The following FAM3D variants were observed in gnomAD, a reference collection of about 807,000 sequenced individuals.
FAM3D encodes protein FAM3D.
FAM3D carries 26 observed loss-of-function variants against 29.8 expected under a neutral mutation model. The ratio of observed to expected loss-of-function variants is 0.87; its 90% CI spans 0.64 to 1.21. FAM3D has a LOEUF of 1.21. Ranked by LOEUF, FAM3D falls within the 50% of genes most tolerant of loss-of-function variation. FAM3D has a pLI of 0.00. For missense variants in FAM3D, 253 were observed against 290.9 expected (o/e 0.87, Z 0.95); for synonymous variants, 115 against 102.3 (o/e 1.12, Z -0.75).
At chr3:58,640,334 T>C (rs2066292769) in intron 6 of FAM3D, among the ~76,000 whole-genome samples, 157 bp from the exon 7 acceptor site, 1 of 152,226 alleles carries the variant, frequency 6.6e-6, no homozygotes, top group South Asian at 2.1e-4. Flanking sequence ...AAAGTAGGTT[T>C]CCAGGAATGG....
intron 1 of FAM3D, among the ~76,000 whole-genome samples, chr3:58,662,031 A>G (rs1277929478): frequency 6.6e-6 from 1 of 152,190 alleles, no homozygotes; most frequent in African/African-American, 2.4e-5. Flanking sequence ...ATCTCAGGAT[A>G]CTGGACATCT....
chr3:58,661,601 G>A (rs2066930641), intron 1 of FAM3D, among the ~76,000 whole-genome samples: 1 of 152,190 alleles, frequency 6.6e-6, no homozygotes, highest in Admixed American at 6.5e-5. Context: ...CTGGGAATTG[G>A]GAGTCTGTAT....
chr3:58,636,285 A>G lies in FAM3D; in HGVS notation c.585+9T>C. On this transcript the variant is annotated intron_variant, in intron 9 of 9. Coordinates refer to ENST00000358781, the MANE Select transcript of FAM3D (RefSeq NM_138805.3). Reference sequence around the variant, plus strand: ...CCTTCATAGGGCCGGGTTGTGGCCCAGAACCCACCTGCTCAAAGGGGCTTT... The same window carrying G: ...CCTTCATAGGGCCGGGTTGTGGCCCGGAACCCACCTGCTCAAAGGGGCTTT... The G allele has an allele frequency of 3.7e-6, 6 of 1,613,252 alleles. No individual in the cohort carries two copies. The highest frequency in any genetic ancestry group is 3.4e-6 in the Non-Finnish European group (4 of 1,179,732).
chr3:58,636,568 A>G, intron 8 of FAM3D, 148 bp from the exon 9 acceptor site: 1 of 1,164,572 alleles, frequency 8.6e-7, no homozygotes, highest in Non-Finnish European at 1.2e-6. Flanking sequence ...GCACTCAGGA[A>G]GGACAGGGTA....
At chr3:58,663,719 C>T (rs2066975944) in intron 1 of FAM3D, among the ~76,000 whole-genome samples, 1 of 152,150 alleles carries the variant, frequency 6.6e-6, no homozygotes, top group African/African-American at 2.4e-5. Flanking sequence ...TACCAGAAGC[C>T]ACACTGCTCC....
intron 4 of FAM3D, among the ~76,000 whole-genome samples, 172 bp from the exon 5 acceptor site, chr3:58,645,798 C>A (rs915006181): frequency 3.9e-5 from 6 of 152,228 alleles, no homozygotes; most frequent in African/African-American, 1.4e-4. Flanking sequence ...CTTCTGGGCT[C>A]CACAGTGCCT....
Position 58,637,557 on chromosome 3 carries a change from C to T in FAM3D, c.374-332G>A, listed in dbSNP as rs143590252. Among the ~76,000 whole-genome samples, 16 of 152,200 alleles carry T rather than the reference C, an allele frequency of 1.1e-4. No individual in the cohort carries two copies. The East Asian group carries it at 2.1e-3, about 20-fold the overall frequency. On this transcript the variant is annotated intron_variant, in intron 7 of 9. Transcript: ENST00000358781. The stretch of plus-strand genomic sequence containing the variant: ...CCTTGTGTGCCTACCCCTCTGGGGA[C>T]GAAGTGCCATCATCTCTCAGGTGCT...
At chr3:58,653,839 C>T in intron 2 of FAM3D, 58 bp from the exon 3 acceptor site, 3 of 1,334,280 alleles carry the variant, frequency 2.2e-6, no homozygotes, top group South Asian at 2.3e-5. Flanking sequence ...ATTGCAAGAC[C>T]ACGTGTGAGT....
At chr3:58,654,071 A>G (rs1317913956) in intron 2 of FAM3D, among the ~76,000 whole-genome samples, 3 of 152,226 alleles carry the variant, frequency 2.0e-5, no homozygotes, top group Non-Finnish European at 2.9e-5. Flanking sequence ...GAGGGAGAGA[A>G]TCTCTAGCAA....
At chr3:58,644,525 A>G (rs975277706) in intron 5 of FAM3D, among the ~76,000 whole-genome samples, 10 of 152,292 alleles carry the variant, frequency 6.6e-5, no homozygotes, top group Middle Eastern at 3.4e-3. Flanking sequence ...AGTCCATTAA[A>G]ATCTTTTTCC....
intron 6 of FAM3D, among the ~76,000 whole-genome samples, chr3:58,641,504 G>A (rs2066333982): frequency 6.6e-6 from 1 of 152,012 alleles, no homozygotes; most frequent in East Asian, 1.9e-4. Context: ...ACAGGTGTGC[G>A]CCACCACACC....
chr3:58,656,681 C>G (rs2066811023), intron 1 of FAM3D, among the ~76,000 whole-genome samples: 1 of 152,206 alleles, frequency 6.6e-6, no homozygotes, highest in South Asian at 2.1e-4. Context: ...TCCCACAACT[C>G]TTCCTGTCCC....
intron 5 of FAM3D, 84 bp from the exon 6 acceptor site, chr3:58,643,804 G>C: frequency 7.9e-7 from 1 of 1,263,650 alleles, no homozygotes; most frequent in Non-Finnish European, 1.2e-6. Flanking sequence ...AACTCCGTGA[G>C]GACCCACATA....
At chr3:58,640,593 T>C (rs763122359) in intron 6 of FAM3D, among the ~76,000 whole-genome samples, 13 of 152,124 alleles carry the variant, frequency 8.5e-5, no homozygotes, top group Non-Finnish European at 1.2e-4. Context: ...GTCGTCATTA[T>C]TATTCCCACC....
rs530652398 is a variant in FAM3D, at chr3:58,666,121, G to T, written c.-39+455C>A. ...TATTCATTTTTCAAATATTTGTGTG[G>T]CTCACTGTTGATCATTGGAATGTGT... On this transcript the variant is annotated intron_variant, in intron 1 of 9. Coordinates refer to ENST00000358781, the MANE Select transcript of FAM3D (RefSeq NM_138805.3). 1.2e-3 allele frequency among the ~76,000 whole-genome samples: 179 copies of T among 152,248 alleles called. 8 individuals carry two copies. The South Asian group carries it at 0.036, about 31-fold the overall frequency.
rs572147871 is a variant in FAM3D, at chr3:58,659,664, G to A, written c.-38-4063C>T. On this transcript the variant is annotated intron_variant, in intron 1 of 9. Transcript: ENST00000358781. ...TCAAAGGCTTTCTTCGTCCGCGGCC[G>A]GATGCTAGCACCGAGGCACACAGTA... Among the ~76,000 whole-genome samples the A allele has an allele frequency of 6.6e-5, 10 of 152,284 alleles. No homozygotes were observed. The South Asian group carries it at 8.3e-4, about 13-fold the overall frequency.
intron 1 of FAM3D, among the ~76,000 whole-genome samples, chr3:58,660,604 C>G (rs758357145): frequency 2.2e-4 from 33 of 152,152 alleles, no homozygotes; most frequent in Non-Finnish European, 4.1e-4. Flanking sequence ...CCATTATGCC[C>G]TGTTTTAATT....
chr3:58,655,557 C>T lies in FAM3D; in HGVS notation c.7G>A (p.Val3Met), dbSNP rs778964592. The T allele has an allele frequency of 5.6e-6, 9 of 1,613,590 alleles. No homozygotes were observed. In the South Asian group the frequency reaches 7.7e-5, roughly 14 times the overall value. Residue 3 changes from valine to methionine, a missense_variant, in exon 2 of 10, where the codon GTG (valine) becomes ATG (methionine). Transcript: ENST00000358781. MR[V>M]SGVLRLLALI... ...AACCAATTTCAGAGCCTACCTGACA[C>T]TCTCATCCTGTCCAGGTGAAGGGTG...
At chr3:58,664,049 A>G (rs2066982752) in intron 1 of FAM3D, among the ~76,000 whole-genome samples, 1 of 151,378 alleles carries the variant, frequency 6.6e-6, no homozygotes, top group African/African-American at 2.4e-5. Context: ...GGTGGCCAAC[A>G]GCATGGATCC....
Sources: gnomAD v4.1 joint callset for allele counts (sites outside exome capture counted in the v4.1 genomes callset) on GRCh38, gnomAD v4.1.1 for gene constraint, MANE v1.5 for transcripts, NCBI Gene and HGNC (gene_info 2026-07-23, HGNC 2026-07-21) for gene names.